The following ABCC2 variants were observed in gnomAD, a reference collection of about 807,000 sequenced individuals.
ABCC2 encodes the protein ATP-binding cassette sub-family C member 2.
Under a neutral mutation model 173.4 loss-of-function variants are expected in ABCC2, and 157 were observed. The ratio of observed to expected loss-of-function variants is 0.91; its 90% CI spans 0.80 to 1.03. The LOEUF (loss-of-function observed/expected upper bound fraction) is 1.03. Among genes scored for constraint, ABCC2 ranks in the 50% least tolerant of loss-of-function variants. The pLI, the probability that ABCC2 is intolerant of heterozygous loss-of-function variation, is 0.00. For synonymous variants in ABCC2, 657 were observed against 693.5 expected (o/e 0.95, Z 0.83); for missense variants, 1,822 against 1,852.3 (o/e 0.98, Z 0.30).
At chr10:99,845,379 A>G (rs557763958) in intron 28 of ABCC2, among the ~76,000 whole-genome samples, 57 of 152,286 alleles carry the variant, frequency 3.7e-4, no homozygotes, top group Non-Finnish European at 6.9e-4. Flanking sequence ...AATAATTATA[A>G]CAACAGCTGC....
chr10:99,803,996 C>G (rs746208778), intron 9 of ABCC2, 23 bp from the exon 10 acceptor site: 3 of 1,613,856 alleles, frequency 1.9e-6, no homozygotes, highest in Non-Finnish European at 2.5e-6. Context: ...TCCATGGGTC[C>G]TAATTTCAAT....
At chr10:99,809,038 T>G (rs1444337568) in intron 13 of ABCC2, among the ~76,000 whole-genome samples, 1 of 152,204 alleles carries the variant, frequency 6.6e-6, no homozygotes, top group Non-Finnish European at 1.5e-5. Context: ...CCTGCATTCC[T>G]GGTCCTCAGG....
chr10:99,831,809 G>A lies in ABCC2; in HGVS notation c.3082G>A (p.Gly1028Arg), dbSNP rs148887680. The A allele has an allele frequency of 8.2e-5, 133 of 1,614,006 alleles. No individual in the cohort carries two copies. Among genetic ancestry groups the A allele is most frequent in the Non-Finnish European group, 1.0e-4 (121 of 1,180,022 alleles). Residue 1028 changes from glycine to arginine, a missense_variant, in exon 22 of 32, where the codon GGA becomes AGA. Gly to Arg is a moderately radical substitution (Grantham distance 125). Transcript: ENST00000647814. ...GAGGGACATGAGAGTTGGAGTCTACGGAGCTCTGGGATTAGCCCAAGGTAT... is the reference window on the plus strand; with the variant it reads ...GAGGGACATGAGAGTTGGAGTCTACAGAGCTCTGGGATTAGCCCAAGGTAT... ...SQRDMRVGVYGALGLAQGIFV... is the reference protein window; with the variant it reads ...SQRDMRVGVYRALGLAQGIFV...
chr10:99,846,610 G>A (rs1373275589), intron 29 of ABCC2, among the ~76,000 whole-genome samples: 1 of 152,152 alleles, frequency 6.6e-6, no homozygotes, highest in African/African-American at 2.4e-5. Flanking sequence ...ATCGTGGTGC[G>A]TGCCTCTGGT....
intron 3 of ABCC2, 26 bp downstream of exon 3, chr10:99,792,385 G>A (rs1441186053): frequency 6.2e-7 from 1 of 1,613,174 alleles, no homozygotes; most frequent in Non-Finnish European, 8.5e-7. Flanking sequence ...CTTCTGCCCT[G>A]TTTACCTTTT....
intron 14 of ABCC2, 40 bp from the exon 15 acceptor site, chr10:99,811,496 G>A (rs776331303): frequency 8.7e-6 from 14 of 1,603,200 alleles, no homozygotes; most frequent in Admixed American, 3.3e-5. Context: ...CAGTCACGTG[G>A]GGACCTACAT....
At chr10:99,791,691 G>C (rs1590140657) in intron 2 of ABCC2, among the ~76,000 whole-genome samples, 1 of 152,206 alleles carries the variant, frequency 6.6e-6, no homozygotes. Context: ...TCACATGGCT[G>C]GTGGCAGGAA....
chr10:99,816,219 G>T (rs1322326096), intron 16 of ABCC2, among the ~76,000 whole-genome samples: 2 of 152,088 alleles, frequency 1.3e-5, no homozygotes, highest in African/African-American at 4.8e-5. Flanking sequence ...ACCTGCCTCA[G>T]CCTCCCAGTG....
chr10:99,792,906 T>C (rs1399899213), intron 3 of ABCC2, among the ~76,000 whole-genome samples: 4 of 152,202 alleles, frequency 2.6e-5, no homozygotes, highest in Non-Finnish European at 5.9e-5. Context: ...AAAATCAAAA[T>C]GTCTGGCAAT....
At chr10:99,847,232 A>G (rs2039031460) in intron 30 of ABCC2, 105 bp downstream of exon 30, 11 of 1,296,908 alleles carry the variant, frequency 8.5e-6, no homozygotes, top group Middle Eastern at 2.5e-4. Flanking sequence ...ATTTTCATCC[A>G]GGTCTGATTC....
chr10:99,821,843 C>G (rs531009111), intron 19 of ABCC2, among the ~76,000 whole-genome samples: 4 of 151,886 alleles, frequency 2.6e-5, no homozygotes, highest in Non-Finnish European at 2.9e-5. Context: ...CATCATGGCC[C>G]GTTCTCGATG....
intron 16 of ABCC2, among the ~76,000 whole-genome samples, chr10:99,814,746 T>C (rs534827741): frequency 3.7e-4 from 53 of 142,434 alleles, no homozygotes; most frequent in African/African-American, 1.2e-3. Context: ...TGTGTATATG[T>C]ATGTATATAC....
intron 9 of ABCC2, 71 bp downstream of exon 9, chr10:99,800,634 A>C: frequency 6.5e-7 from 1 of 1,545,798 alleles, no homozygotes; most frequent in Non-Finnish European, 8.9e-7. Flanking sequence ...TCCAAGGTTG[A>C]GGAAAATGTG....
intron 3 of ABCC2, among the ~76,000 whole-genome samples, 154 bp downstream of exon 3, chr10:99,792,513 C>T (rs1290804376): frequency 6.6e-6 from 1 of 152,130 alleles, no homozygotes; most frequent in East Asian, 1.9e-4. Context: ...TGGGGTGAAA[C>T]AAATTTTAGC....
chr10:99,784,917 A>G, intron 2 of ABCC2, 136 bp downstream of exon 2: 1 of 1,118,204 alleles, frequency 8.9e-7, no homozygotes. Flanking sequence ...GCCAGGCTCA[A>G]GGTTTCCCTC....
Position 99,800,433 on chromosome 10 carries a change from G to C in ABCC2, c.1079G>C (p.Gly360Ala), listed in dbSNP as rs772260311. The C allele has an allele frequency of 9.3e-6, 15 of 1,614,046 alleles. No individual in the cohort carries two copies. Among genetic ancestry groups the C allele is most frequent in the Non-Finnish European group, 1.1e-5 (13 of 1,180,034 alleles). Residue 360 changes from glycine to alanine, a missense_variant, in exon 9 of 32, where the codon GGA (glycine) becomes GCA (alanine). By Grantham distance (60) the Gly-to-Ala change is moderately conservative. Coordinates refer to ENST00000647814, the MANE Select transcript of ABCC2 (RefSeq NM_000392.5). Reference sequence around the variant, plus strand: ...GACCGTGACACATATTTGTGGATTGGATATCTCTGTGCAATCCTCTTATTC... The same window carrying C: ...GACCGTGACACATATTTGTGGATTGCATATCTCTGTGCAATCCTCTTATTC... Reference protein sequence around the residue: ...ASDRDTYLWIGYLCAILLFTA... With the variant: ...ASDRDTYLWIAYLCAILLFTA...
intron 19 of ABCC2, among the ~76,000 whole-genome samples, chr10:99,827,893 T>C (rs1324606563): frequency 3.7e-5 from 5 of 134,554 alleles, no homozygotes; most frequent in Non-Finnish European, 4.7e-5. Context: ...TCTCGTCGAC[T>C]TGTGCTCAAT....
chr10:99,803,633 C>A (rs1023038808), intron 9 of ABCC2, among the ~76,000 whole-genome samples: 2 of 152,066 alleles, frequency 1.3e-5, no homozygotes, highest in African/African-American at 4.8e-5. Context: ...AATTATGGTT[C>A]ATTGTGATGA....
intron 30 of ABCC2, among the ~76,000 whole-genome samples, chr10:99,850,152 T>C (rs961398008): frequency 8.5e-5 from 13 of 152,250 alleles, no homozygotes; most frequent in Admixed American, 5.9e-4. Context: ...CTAGTGTTGC[T>C]CCACCCTATA....
Sources: allele counts gnomAD v4.1 joint callset (sites outside exome capture counted in the v4.1 genomes callset), GRCh38; gene constraint gnomAD v4.1.1; transcripts MANE v1.5; gene names NCBI Gene and HGNC (gene_info 2026-07-23, HGNC 2026-07-21).